Variants in SGCZ observed in about 807,000 individuals in gnomAD.
The protein encoded by SGCZ is zeta-sarcoglycan.
Under a neutral mutation model 41.3 loss-of-function variants are expected in SGCZ, and 40 were observed. The ratio of observed to expected loss-of-function variants is 0.97; its 90% CI spans 0.75 to 1.26. The LOEUF (loss-of-function observed/expected upper bound fraction) is 1.26, where lower values mean the gene tolerates loss of function less well. SGCZ is among the 50% of genes most tolerant of loss of function. The probability of loss-of-function intolerance (pLI) is 0.00; values close to 1 mark genes in which losing one functional copy is unlikely to be tolerated. For synonymous variants in SGCZ, 206 were observed against 137.5 expected, an observed-to-expected ratio of 1.50 and a Z score of -3.49; for missense variants, 552 against 369.8, an observed-to-expected ratio of 1.49 and a Z score of -4.04.
chr8:14,636,908 C>T (rs1806847292), intron 1 of SGCZ, among the ~76,000 whole-genome samples: 1 of 151,850 alleles, frequency 6.6e-6, no homozygotes, highest in Non-Finnish European at 1.5e-5. Flanking sequence ...CTAAATCTAT[C>T]AAACCTTTTA....
intron 4 of SGCZ, among the ~76,000 whole-genome samples, chr8:14,215,551 A>G (rs1318847076): frequency 2.0e-5 from 3 of 152,048 alleles, no homozygotes; most frequent in Admixed American, 2.0e-4. Context: ...AGAAAAATCA[A>G]TAAATACAAA....
At chr8:14,834,721 T>G (rs1319986202) in intron 1 of SGCZ, among the ~76,000 whole-genome samples, 1 of 152,102 alleles carries the variant, frequency 6.6e-6, no homozygotes, top group African/African-American at 2.4e-5. Context: ...TTTGAAGAAG[T>G]CAGAAACAAA....
At chr8:14,708,005 G>C (rs1187215245) in intron 1 of SGCZ, among the ~76,000 whole-genome samples, 1 of 151,910 alleles carries the variant, frequency 6.6e-6, no homozygotes, top group Non-Finnish European at 1.5e-5. Context: ...GATCAGGAAA[G>C]CAACTAAAGG....
intron 1 of SGCZ, among the ~76,000 whole-genome samples, chr8:15,017,052 T>G (rs1803066631): frequency 6.6e-6 from 1 of 152,150 alleles, no homozygotes. Context: ...GGGATCACAT[T>G]TCAGCATGAG....
chr8:14,147,087 T>C (rs67730760), intron 5 of SGCZ, among the ~76,000 whole-genome samples: 55,579 of 151,236 alleles, frequency 0.37, 11,127 homozygotes, highest in East Asian at 0.75. Flanking sequence ...GCAAGCCTCA[T>C]GGTAATCTCA....
chr8:14,728,184 C>A (rs1214145640), intron 1 of SGCZ, among the ~76,000 whole-genome samples: 1 of 151,918 alleles, frequency 6.6e-6, no homozygotes, highest in Non-Finnish European at 1.5e-5. Context: ...CAAAATGCAT[C>A]GAAGCAAACA....
At chr8:14,922,738 T>G (rs1484742990) in intron 1 of SGCZ, among the ~76,000 whole-genome samples, 1 of 152,158 alleles carries the variant, frequency 6.6e-6, no homozygotes, top group Non-Finnish European at 1.5e-5. Flanking sequence ...TCTAAAGCAT[T>G]TTTGCATACA....
intron 1 of SGCZ, among the ~76,000 whole-genome samples, chr8:14,583,130 G>A (rs1324167830): frequency 6.7e-6 from 1 of 150,220 alleles, no homozygotes; most frequent in Non-Finnish European, 1.5e-5. Context: ...CACCAACAGT[G>A]TAAAAGTGTT....
intron 2 of SGCZ, among the ~76,000 whole-genome samples, chr8:14,529,134 T>G (rs965812131): frequency 6.6e-6 from 1 of 152,146 alleles, no homozygotes; most frequent in South Asian, 2.1e-4. Flanking sequence ...ACATGTGTAG[T>G]TCAGCATGTA....
At chr8:15,134,304 C>CTTTTTTTTT (rs59649473) in intron 1 of SGCZ, among the ~76,000 whole-genome samples, 1 of 145,698 alleles carries the variant, frequency 6.9e-6, no homozygotes. Flanking sequence ...AGCATTAGGT[C>CTTTTTTTTT]TTTTTTTTTT....
chr8:14,174,415 A>G (rs1041164973), intron 4 of SGCZ, among the ~76,000 whole-genome samples: 2 of 152,114 alleles, frequency 1.3e-5, no homozygotes, highest in African/African-American at 4.8e-5. Flanking sequence ...TGTAGCTGAA[A>G]CACTTGATCA....
chr8:14,823,174 G>T (rs1253301797), intron 1 of SGCZ, among the ~76,000 whole-genome samples: 1 of 150,164 alleles, frequency 6.7e-6, no homozygotes, highest in Non-Finnish European at 1.5e-5. Flanking sequence ...GGCTAGGCAA[G>T]AAATTTTTAA....
chr8:14,961,024 T>C (rs1800948429), intron 1 of SGCZ, among the ~76,000 whole-genome samples: 1 of 151,906 alleles, frequency 6.6e-6, no homozygotes, highest in South Asian at 2.1e-4. Flanking sequence ...GAGTGCATTA[T>C]TGTTTATCCA....
intron 2 of SGCZ, among the ~76,000 whole-genome samples, chr8:14,368,613 A>C (rs567704656): frequency 1.3e-5 from 2 of 152,204 alleles, no homozygotes; most frequent in South Asian, 4.1e-4. Context: ...GCTTTGCATT[A>C]TAAGGCAGAG....
intron 1 of SGCZ, among the ~76,000 whole-genome samples, chr8:14,933,436 T>TTC (rs1554524101): frequency 6.9e-6 from 1 of 145,266 alleles, no homozygotes; most frequent in Admixed American, 6.8e-5. Context: ...TTTTTCTTTT[T>TTC]TTTTTTTTTT....
At chr8:14,795,426 G>A (rs2726603) in intron 1 of SGCZ, among the ~76,000 whole-genome samples, 54,013 of 151,502 alleles carry the variant, frequency 0.36, 11,398 homozygotes, top group East Asian at 0.49. Context: ...TCATACTTTG[G>A]GGTTTTTTTT....
At chr8:14,619,036 G>T (rs1223525082) in intron 1 of SGCZ, among the ~76,000 whole-genome samples, 1 of 151,960 alleles carries the variant, frequency 6.6e-6, no homozygotes, top group Non-Finnish European at 1.5e-5. Flanking sequence ...GCAATATGTT[G>T]GTATACTCTA....
intron 7 of SGCZ, among the ~76,000 whole-genome samples, chr8:14,095,601 C>T (rs924380841): frequency 6.6e-6 from 1 of 152,052 alleles, no homozygotes; most frequent in African/African-American, 2.4e-5. Context: ...TTTTTGCTTC[C>T]ATATGAAGTT....
At chr8:15,196,634 ATTTAT>A (rs1175758397) in intron 1 of SGCZ, among the ~76,000 whole-genome samples, 5 of 152,020 alleles carry the variant, frequency 3.3e-5, no homozygotes, top group Non-Finnish European at 7.4e-5. Context: ...TTATTTATTT[ATTTAT>A]TTATTATTAT....
Sources: gnomAD v4.1 joint callset for allele counts (sites outside exome capture counted in the v4.1 genomes callset) on GRCh38, gnomAD v4.1.1 for gene constraint, MANE v1.5 for transcripts, NCBI Gene and HGNC (gene_info 2026-07-23, HGNC 2026-07-21) for gene names.